The following AGO3 variants were observed in gnomAD, a reference collection of about 807,000 sequenced individuals.
AGO3 encodes protein argonaute-3.
In AGO3, 16 loss-of-function variants were observed where a neutral mutation model predicts 105.5. The ratio of observed to expected loss-of-function variants is 0.15; its 90% CI spans 0.10 to 0.23. The LOEUF (loss-of-function observed/expected upper bound fraction) is 0.23. AGO3 is among the 10% of genes least tolerant of loss of function. AGO3 has a pLI of 1.00. For synonymous variants in AGO3, 340 were observed against 367.3 expected (o/e 0.93, Z 0.85); for missense variants, 534 against 1,088.0 (o/e 0.49, Z 7.16).
At chr1:35,995,217 T>G (rs868483503) in intron 5 of AGO3, among the ~76,000 whole-genome samples, 1 of 143,622 alleles carries the variant, frequency 7.0e-6, no homozygotes, top group South Asian at 2.1e-4. Flanking sequence ...AAAATATATA[T>G]ATATATATAT....
Position 36,027,675 on chromosome 1 carries a change from A to AGG in AGO3, c.1591+378_1591+379dup, listed in dbSNP as rs1365524798. Among the ~76,000 whole-genome samples the AGG allele has an allele frequency of 2.0e-5, 3 of 151,770 alleles. No homozygotes were observed. The highest frequency in any genetic ancestry group is 4.4e-5 in the Non-Finnish European group (3 of 67,970). ...GCGCCTGTGGTCCCAGCCACTCAGG[A>AGG]GGCTGAGGCAGGAGAATGGCGTGAA... On this transcript the variant is annotated intron_variant, in intron 12 of 18. Coordinates refer to ENST00000373191, the MANE Select transcript of AGO3 (RefSeq NM_024852.4). This position sits in a 1 kb window ranked among gnomAD's most constrained non-coding sequence, Gnocchi z 4.0.
Position 36,013,924 on chromosome 1 carries a change from G to A in AGO3, c.1282G>A (p.Val428Ile). Residue 428 changes from valine (V) to isoleucine (I), a missense_variant, in exon 11 of 19, where the codon GTA (valine) becomes ATA (isoleucine). Val to Ile is a conservative substitution (Grantham distance 29). Coordinates refer to ENST00000373191, the MANE Select transcript of AGO3 (RefSeq NM_024852.4). Reference protein sequence around the residue: ...MLQYGGRNRTVATPSHGVWDM... With the variant: ...MLQYGGRNRTIATPSHGVWDM... ...TTTTCTCCTCGTGTAGAATCGGACA[G>A]TAGCAACACCGAGCCATGGAGTATG... 1 of 1,613,808 alleles carries A rather than the reference G, an allele frequency of 6.2e-7. No homozygotes were observed. The highest frequency in any genetic ancestry group is 1.1e-5 in the South Asian group (1 of 91,006).
intron 6 of AGO3, among the ~76,000 whole-genome samples, chr1:36,006,645 G>A (rs971104116): frequency 6.6e-6 from 1 of 151,726 alleles, no homozygotes; most frequent in Non-Finnish European, 1.5e-5. Flanking sequence ...ATCCTCCTTC[G>A]ATAGTATTTT....
intron 6 of AGO3, chr1:36,005,696 C>T (rs1640305804): frequency 1.0e-6 from 1 of 984,876 alleles, no homozygotes; most frequent in African/African-American, 1.7e-5. Context: ...ATGCAATCAA[C>T]TCATATCACC....
intron 11 of AGO3, among the ~76,000 whole-genome samples, chr1:36,016,259 G>A (rs1016533201): frequency 1.3e-5 from 2 of 152,180 alleles, no homozygotes; most frequent in Non-Finnish European, 2.9e-5. Context: ...TCGGCTCACT[G>A]CAACCTCCGC....
intron 12 of AGO3, 100 bp from the exon 13 acceptor site, chr1:36,034,074 T>C (rs1641903483): frequency 8.2e-7 from 1 of 1,215,868 alleles, no homozygotes; most frequent in East Asian, 2.8e-5. Flanking sequence ...TGTAATACAA[T>C]GATGGATTTT....
chr1:35,968,552 A>G (rs901983923), intron 3 of AGO3, among the ~76,000 whole-genome samples: 21 of 152,258 alleles, frequency 1.4e-4, no homozygotes, highest in Admixed American at 5.9e-4. Context: ...TGACTGGCTT[A>G]TTTCACAATT....
intron 11 of AGO3, among the ~76,000 whole-genome samples, chr1:36,020,031 CAA>C (rs1641132777): frequency 6.6e-6 from 1 of 152,200 alleles, no homozygotes; most frequent in South Asian, 2.1e-4. Flanking sequence ...CTTGGCCTCC[CAA>C]AGTGCTGGGA....
In AGO3 at chr1:35,972,173, A is replaced by G. The variant is rs1464507098; in HGVS notation, c.462A>G (p.Pro154=). ...CTGAGCCACTGGAATTAGACAAGCCAATCAGCACTAACCCTGTCCATGCCG... is the reference window on the plus strand; with the variant it reads ...CTGAGCCACTGGAATTAGACAAGCCGATCAGCACTAACCCTGTCCATGCCG... ...TLPEPLELDK[P]ISTNPVHAVD... Residue 154 remains proline, a synonymous_variant, in exon 4 of 19, where the codon CCA becomes CCG. Transcript: ENST00000373191. 6.2e-7 allele frequency: 1 copy of G among 1,614,128 alleles called. No homozygotes were observed. The highest frequency in any genetic ancestry group is 1.1e-5 in the South Asian group (1 of 91,086).
Position 36,057,759 on chromosome 1 carries a change from C to T in AGO3, c.*2014C>T, listed in dbSNP as rs940591149. On this transcript the variant is annotated 3_prime_UTR_variant, in exon 19 of 19. Coordinates refer to ENST00000373191, the MANE Select transcript of AGO3 (RefSeq NM_024852.4). ...TGGGAGGCTGAGACAGGTATATCAC[C>T]GGAGCTCAGGAGTTTGAGACCAGCC... The T allele has an allele frequency of 6.6e-6, 1 of 152,112 alleles. No individual in the cohort carries two copies. Among genetic ancestry groups the T allele is most frequent in the African/African-American group, 2.4e-5 (1 of 41,408 alleles). The allele number at this position is 152,112 out of a possible 1,614,324, so 9.4% of individuals were successfully genotyped here. A position where few individuals can be genotyped will look rare whatever the true frequency, so the allele number is the denominator to read the frequency against.
chr1:35,957,625 C>T (rs1305064940), intron 2 of AGO3, among the ~76,000 whole-genome samples: 1 of 151,712 alleles, frequency 6.6e-6, no homozygotes, highest in Non-Finnish European at 1.5e-5. Flanking sequence ...ACTCGGGAGG[C>T]TGAGGCATGA....
chr1:36,066,141 A>G lies in AGO3; in HGVS notation c.*10396A>G, dbSNP rs1336146037. 6.6e-6 allele frequency: 1 copy of G among 152,180 alleles called. No individual in the cohort carries two copies. The highest frequency in any genetic ancestry group is 6.5e-5 in the Admixed American group (1 of 15,280). The allele number at this position is 152,180 out of a possible 1,614,324, so 9.4% of individuals were successfully genotyped here. On this transcript the variant is annotated 3_prime_UTR_variant, in exon 19 of 19. Transcript: ENST00000373191. ...AACAGATGGAAGTGTTGGTCATTAGAGCCTTGCTTTTTAAATTTTATTCTT... is the reference window on the plus strand; with the variant it reads ...AACAGATGGAAGTGTTGGTCATTAGGGCCTTGCTTTTTAAATTTTATTCTT...
intron 11 of AGO3, among the ~76,000 whole-genome samples, chr1:36,016,167 T>C (rs553281492): frequency 6.6e-6 from 1 of 152,260 alleles, no homozygotes; most frequent in East Asian, 1.9e-4. Context: ...TATTTACCCA[T>C]CCAGTTAGGT....
At chr1:35,991,477 T>A (rs1029733877) in intron 5 of AGO3, among the ~76,000 whole-genome samples, 15 of 150,448 alleles carry the variant, frequency 1.0e-4, no homozygotes, top group South Asian at 6.2e-4. Context: ...TATAATCTTA[T>A]TTCTTTTTAA....
intron 3 of AGO3, among the ~76,000 whole-genome samples, chr1:35,967,694 G>A (rs535084965): frequency 2.0e-5 from 3 of 152,072 alleles, no homozygotes; most frequent in East Asian, 3.9e-4. Flanking sequence ...TGGGATTTTG[G>A]GAGTACCACT....
chr1:36,003,709 A>AAAAAAAAAATAG (rs1295618675), intron 5 of AGO3, among the ~76,000 whole-genome samples: 1 of 99,446 alleles, frequency 1.0e-5, no homozygotes, highest in Non-Finnish European at 1.9e-5. Flanking sequence ...AAAAAAAAAA[A>AAAAAAAAAATAG]ATATATATAT....
rs1055640796 is a variant in AGO3 at position 36,054,867 on chromosome 1, G to A, written c.2275-79G>A. 15 of 1,395,114 alleles carry A rather than the reference G, an allele frequency of 1.1e-5. No homozygotes were observed. The Admixed American group carries it at 2.4e-4, about 22-fold the overall frequency. The allele number at this position is 1,395,114 out of a possible 1,614,324, so 86.4% of individuals were successfully genotyped here. A position where few individuals can be genotyped will look rare whatever the true frequency, so the allele number is the denominator to read the frequency against. ...ATTGCACTTCAGCCTGGGTGACAGA[G>A]CAAGACTTTGTCTCAAAAAACAAAA... On this transcript the variant is annotated intron_variant, in intron 17 of 18. Coordinates refer to ENST00000373191, the MANE Select transcript of AGO3 (RefSeq NM_024852.4).
chr1:36,007,740 C>T (rs1356345710), intron 6 of AGO3, among the ~76,000 whole-genome samples: 1 of 151,942 alleles, frequency 6.6e-6, no homozygotes, highest in Non-Finnish European at 1.5e-5. Context: ...CTTAGGTACA[C>T]CAGCTACATT....
chr1:35,972,292 G>C lies in AGO3; in HGVS notation c.521+60G>C, dbSNP rs1276948291. On this transcript the variant is annotated intron_variant, in intron 4 of 18. Coordinates refer to ENST00000373191, the MANE Select transcript of AGO3 (RefSeq NM_024852.4). ...AAACTCCCAAGAATGAATTGTGCAG[G>C]CTTCCCTTGGTTAAACCTTTATTTG... is the stretch of plus-strand genomic sequence containing the variant. The C allele has an allele frequency of 1.9e-6, 3 of 1,539,760 alleles. No homozygotes were observed. In the African/African-American group the frequency reaches 4.1e-5, roughly 21 times the overall value.
Sources: gnomAD v4.1 joint callset for allele counts (sites outside exome capture counted in the v4.1 genomes callset) on GRCh38, gnomAD v4.1.1 for gene constraint, Gnocchi (gnomAD v3.1) non-coding constraint, MANE v1.5 for transcripts, NCBI Gene and HGNC (gene_info 2026-07-23, HGNC 2026-07-21) for gene names.